MAP2K6: variants seen among roughly 807,000 people sequenced by gnomAD.
The protein encoded by MAP2K6 is mitogen-activated protein kinase kinase 6, also known as dual specificity mitogen-activated protein kinase kinase 6.
MAP2K6 carries 16 observed loss-of-function variants against 53.7 expected under a neutral mutation model. The ratio of observed to expected loss-of-function variants is 0.30; its 90% CI spans 0.20 to 0.45. The LOEUF (loss-of-function observed/expected upper bound fraction) is 0.45. MAP2K6 is among the 20% of genes least tolerant of loss of function. MAP2K6 has a pLI of 1.00. For missense variants in MAP2K6, 204 were observed against 411.9 expected, an observed-to-expected ratio of 0.50 and a Z score of 4.37; for synonymous variants, 132 against 143.1, an observed-to-expected ratio of 0.92 and a Z score of 0.55.
At chr17:69,519,888 G>C (rs1167931506) in intron 5 of MAP2K6, 1 of 221,116 alleles carries the variant, frequency 4.5e-6, no homozygotes, top group Non-Finnish European at 8.8e-6. Context: ...CCAGCTTTTT[G>C]ACTGACTGTT....
intron 1 of MAP2K6, chr17:69,502,059 G>A: frequency 1.9e-6 from 1 of 535,296 alleles, no homozygotes; most frequent in Non-Finnish European, 2.4e-6. Flanking sequence ...AATCAAAGAG[G>A]CATTTATAGA....
intron 1 of MAP2K6, among the ~76,000 whole-genome samples, chr17:69,419,553 G>A (rs1219563226): frequency 6.6e-6 from 1 of 152,144 alleles, no homozygotes; most frequent in Non-Finnish European, 1.5e-5. Flanking sequence ...TAGTGATAAG[G>A]CAGTTGCATT....
chr17:69,428,864 G>GTT (rs761660743), intron 1 of MAP2K6, among the ~76,000 whole-genome samples: 1 of 46,236 alleles, frequency 2.2e-5, no homozygotes. Context: ...TTTTGTTTTT[G>GTT]TTTTTTTTTT....
chr17:69,548,579 T>C lies in MAP2K6; in HGVS notation c.*6826T>C, dbSNP rs1351213810. 1 of 152,204 alleles carries C rather than the reference T, an allele frequency of 6.6e-6. No homozygotes were observed. The highest frequency in any genetic ancestry group is 1.5e-5 in the Non-Finnish European group (1 of 68,036). The allele number at this position is 152,204 out of a possible 1,614,324, so 9.4% of individuals were successfully genotyped here. A position where few individuals can be genotyped will look rare whatever the true frequency, so the allele number is the denominator to read the frequency against. Reference sequence around the variant, plus strand: ...CTTGGAAACTCCTTAACAGGGCATATTGAAGTATTTGATCCAGCAACTTAC... The same window carrying C: ...CTTGGAAACTCCTTAACAGGGCATACTGAAGTATTTGATCCAGCAACTTAC... On this transcript the variant is annotated 3_prime_UTR_variant, in exon 12 of 12. Coordinates refer to ENST00000590474, the MANE Select transcript of MAP2K6 (RefSeq NM_002758.4).
intron 11 of MAP2K6, among the ~76,000 whole-genome samples, chr17:69,541,215 A>G (rs567679778): frequency 1.3e-5 from 2 of 152,282 alleles, no homozygotes; most frequent in South Asian, 2.1e-4. Context: ...GTGAGCCAAG[A>G]TCGCACCACT....
At chr17:69,541,638 A>G (rs1269698748) in intron 11 of MAP2K6, 38 bp from the exon 12 acceptor site, 7 of 1,451,608 alleles carry the variant, frequency 4.8e-6, no homozygotes, top group Non-Finnish European at 6.8e-6. Flanking sequence ...GATTGTCAGT[A>G]AGACATTAAT....
intron 2 of MAP2K6, among the ~76,000 whole-genome samples, chr17:69,506,657 CT>C (rs1909501565): frequency 6.6e-6 from 1 of 152,164 alleles, no homozygotes; most frequent in Non-Finnish European, 1.5e-5. Context: ...GGGTTTTGAT[CT>C]TAGCTATGAT....
Position 69,475,177 on chromosome 17 carries a change from T to G in MAP2K6, c.17-30603T>G, listed in dbSNP as rs553966739. On this transcript the variant is annotated intron_variant, in intron 1 of 11. Coordinates refer to ENST00000590474, the MANE Select transcript of MAP2K6 (RefSeq NM_002758.4). The stretch of plus-strand genomic sequence containing the variant: ...ATTGAAATCTGTGTTTTTTTTTTTT[T>G]TTTTTTTTTGAGACGGAGTCTCACT... Among the ~76,000 whole-genome samples, 4 of 148,096 alleles carry G rather than the reference T, an allele frequency of 2.7e-5. No homozygotes were observed. The East Asian group carries it at 5.9e-4, about 22-fold the overall frequency.
chr17:69,511,499 T>C (rs60361741), intron 2 of MAP2K6, among the ~76,000 whole-genome samples: 1,744 of 152,332 alleles, frequency 0.011, 40 homozygotes, highest in African/African-American at 0.04. Context: ...TTCTTTGAGC[T>C]ACCGATGCCA....
At chr17:69,434,576 A>C (rs1435736478) in intron 1 of MAP2K6, 4 of 152,222 alleles carry the variant, frequency 2.6e-5, no homozygotes, top group African/African-American at 9.7e-5. Context: ...CCAGGGTTCC[A>C]GAGTCTTACA....
chr17:69,499,669 G>A (rs567678923), intron 1 of MAP2K6, among the ~76,000 whole-genome samples: 2 of 152,184 alleles, frequency 1.3e-5, no homozygotes, highest in African/African-American at 4.8e-5. Flanking sequence ...GCAGGTGCTG[G>A]GCAAAATCAT....
intron 1 of MAP2K6, among the ~76,000 whole-genome samples, chr17:69,454,685 C>T (rs1907342702): frequency 6.6e-6 from 1 of 152,068 alleles, no homozygotes; most frequent in Admixed American, 6.5e-5. Context: ...GCTACCATGC[C>T]CAGCCTAACT....
At chr17:69,422,456 C>T (rs1906122751) in intron 1 of MAP2K6, among the ~76,000 whole-genome samples, 1 of 152,154 alleles carries the variant, frequency 6.6e-6, no homozygotes, top group African/African-American at 2.4e-5. Context: ...TAGTCAACTC[C>T]AGTCTGAGTT....
At chr17:69,524,378 G>A (rs181760913) in intron 8 of MAP2K6, among the ~76,000 whole-genome samples, 1 of 151,366 alleles carries the variant, frequency 6.6e-6, no homozygotes, top group Non-Finnish European at 1.5e-5. Context: ...GGACCTCACA[G>A]CTGTGAAGAT....
intron 10 of MAP2K6, among the ~76,000 whole-genome samples, chr17:69,529,765 C>A (rs2144845513): frequency 6.6e-6 from 1 of 152,212 alleles, no homozygotes; most frequent in South Asian, 2.1e-4. Context: ...CCCGCCTCAG[C>A]CTCCCAAAGT....
chr17:69,511,103 G>A (rs560382616), intron 2 of MAP2K6, among the ~76,000 whole-genome samples: 30 of 151,854 alleles, frequency 2.0e-4, no homozygotes, highest in African/African-American at 4.3e-4. Flanking sequence ...TATGAATTTC[G>A]GAAGGCTACC....
At chr17:69,511,567 AG>A (rs1441795085) in intron 2 of MAP2K6, among the ~76,000 whole-genome samples, 10 of 152,102 alleles carry the variant, frequency 6.6e-5, no homozygotes, top group Non-Finnish European at 1.2e-4. Context: ...GTTCGATGCT[AG>A]TTCATATTAT....
At position 69,480,514 on chromosome 17, in the gene MAP2K6, G is replaced by C. The variant is rs77792789; in HGVS notation, c.17-25266G>C. Among the ~76,000 whole-genome samples the C allele has an allele frequency of 8.1e-3, 1,233 of 152,312 alleles. 17 individuals are homozygous for C. The highest frequency in any genetic ancestry group is 0.029 in the African/African-American group (1,191 of 41,556). On this transcript the variant is annotated intron_variant, in intron 1 of 11. Transcript: ENST00000590474. ...TTCAACTGCAGAGAATGTAGCCTTT[G>C]GCATACAAGGAGGAAGCTGTCTTGG...
intron 1 of MAP2K6, among the ~76,000 whole-genome samples, chr17:69,455,964 A>G (rs2715808): frequency 0.94 from 141,699 of 151,332 alleles, 66,802 homozygotes; most frequent in Non-Finnish European, 0.98. Context: ...GGGTTCAAGC[A>G]ATTCTCCTGC....
Sources: gnomAD v4.1 joint callset for allele counts (sites outside exome capture counted in the v4.1 genomes callset) on GRCh38, gnomAD v4.1.1 for gene constraint, MANE v1.5 for transcripts, NCBI Gene and HGNC (gene_info 2026-07-23, HGNC 2026-07-21) for gene names.